The following PKIB variants were observed in gnomAD, a reference collection of about 807,000 sequenced individuals.
The protein encoded by PKIB is cAMP-dependent protein kinase inhibitor beta.
PKIB carries 2 observed loss-of-function variants against 4.5 expected under a neutral mutation model. The ratio of observed to expected loss-of-function variants is 0.44; its 90% CI spans 0.18 to 1.39. The LOEUF (loss-of-function observed/expected upper bound fraction) is 1.39, where lower values mean the gene tolerates loss of function less well. Ranked by LOEUF, PKIB falls within the 40% of genes most tolerant of loss-of-function variation. PKIB has a pLI of 0.27. For missense variants in PKIB, 94 were observed against 92.6 expected (o/e 1.02, Z -0.06); for synonymous variants, 38 against 36.0 (o/e 1.06, Z -0.20).
chr6:122,556,192 T>G (rs2114664038), intron 2 of PKIB, among the ~76,000 whole-genome samples: 1 of 152,328 alleles, frequency 6.6e-6, no homozygotes, highest in Middle Eastern at 3.4e-3. Context: ...TGCTCAGCAC[T>G]TCTTCCTGCT....
chr6:122,555,266 A>G (rs935333567), intron 2 of PKIB, among the ~76,000 whole-genome samples: 4 of 152,190 alleles, frequency 2.6e-5, no homozygotes, highest in African/African-American at 9.6e-5. Flanking sequence ...AGTCATTTTC[A>G]GCAGAAGGAC....
chr6:122,669,930 A>G (rs1157511460), intron 2 of PKIB, among the ~76,000 whole-genome samples: 5 of 152,104 alleles, frequency 3.3e-5, no homozygotes, highest in Non-Finnish European at 7.4e-5. Context: ...CAGTGGATGA[A>G]ACGCAATGTA....
chr6:122,582,799 G>GT (rs1446676766), intron 2 of PKIB, among the ~76,000 whole-genome samples: 1 of 151,890 alleles, frequency 6.6e-6, no homozygotes, highest in Non-Finnish European at 1.5e-5. Flanking sequence ...GGATTTTTGT[G>GT]TTTTTTTGTT....
intron 2 of PKIB, among the ~76,000 whole-genome samples, chr6:122,585,246 T>C (rs1402634299): frequency 2.6e-5 from 4 of 152,164 alleles, no homozygotes; most frequent in Admixed American, 2.0e-4. Flanking sequence ...AGAACCCTCC[T>C]GGGCTAAGCC....
chr6:122,708,240 G>T (rs189226143), intron 3 of PKIB, among the ~76,000 whole-genome samples: 1 of 152,234 alleles, frequency 6.6e-6, no homozygotes, highest in Non-Finnish European at 1.5e-5. Flanking sequence ...TTTTAAACAA[G>T]GTGGTTAAAG....
At chr6:122,666,682 A>G (rs1777231827) in intron 2 of PKIB, among the ~76,000 whole-genome samples, 1 of 152,202 alleles carries the variant, frequency 6.6e-6, no homozygotes, top group Non-Finnish European at 1.5e-5. Flanking sequence ...GTATTAATCT[A>G]TAATGCTAAG....
intron 3 of PKIB, among the ~76,000 whole-genome samples, chr6:122,689,016 C>T (rs1483257187): frequency 2.0e-5 from 3 of 152,024 alleles, no homozygotes; most frequent in African/African-American, 4.8e-5. Flanking sequence ...CTCCTGACCT[C>T]GTGACCCGCC....
chr6:122,478,731 A>G (rs1775516915), intron 2 of PKIB: 1 of 152,194 alleles, frequency 6.6e-6, no homozygotes, highest in African/African-American at 2.4e-5. Context: ...ACAACCATGG[A>G]TTAAATGCCA....
chr6:122,720,016 G>A (rs1779673594), intron 4 of PKIB, among the ~76,000 whole-genome samples: 2 of 152,106 alleles, frequency 1.3e-5, no homozygotes, highest in South Asian at 2.1e-4. Flanking sequence ...CATTAGCTAA[G>A]CATAGATGTT....
At chr6:122,585,212 T>C (rs1477188589) in intron 2 of PKIB, among the ~76,000 whole-genome samples, 1 of 152,156 alleles carries the variant, frequency 6.6e-6, no homozygotes, top group Non-Finnish European at 1.5e-5. Flanking sequence ...AGCTCACCCT[T>C]GAATGTTTTC....
intron 3 of PKIB, among the ~76,000 whole-genome samples, chr6:122,717,287 G>C (rs1419684770): frequency 3.3e-5 from 5 of 152,234 alleles, no homozygotes; most frequent in South Asian, 2.1e-4. Flanking sequence ...GTGCTCTCTA[G>C]GGAAAAAGCT....
chr6:122,569,313 G>T (rs1043323935), intron 2 of PKIB, among the ~76,000 whole-genome samples: 1 of 152,206 alleles, frequency 6.6e-6, no homozygotes, highest in African/African-American at 2.4e-5. Context: ...TACTACCACA[G>T]CTGGTGCTCT....
At chr6:122,603,565 AC>A (rs1774440504) in intron 3 of PKIB, among the ~76,000 whole-genome samples, 1 of 152,024 alleles carries the variant, frequency 6.6e-6, no homozygotes, top group Admixed American at 6.6e-5. Context: ...TGCAACCTCC[AC>A]CTCCTGAGTT....
At chr6:122,497,893 C>G (rs1475789799) in intron 2 of PKIB, among the ~76,000 whole-genome samples, 2 of 152,198 alleles carry the variant, frequency 1.3e-5, no homozygotes, top group African/African-American at 2.4e-5. Context: ...CTCTACCCAT[C>G]AACCAACCAC....
chr6:122,604,702 A>G (rs75825518), intron 3 of PKIB, among the ~76,000 whole-genome samples: 3,812 of 152,308 alleles, frequency 0.025, 152 homozygotes, highest in African/African-American at 0.087. Flanking sequence ...TCTTCCCTTC[A>G]GTCATAAGAA....
intron 2 of PKIB, among the ~76,000 whole-genome samples, chr6:122,537,935 T>C (rs1777458212): frequency 6.6e-6 from 1 of 152,052 alleles, no homozygotes; most frequent in Non-Finnish European, 1.5e-5. Flanking sequence ...CCAGTGATGA[T>C]GAGCATTTTT....
At chr6:122,523,281 A>C (rs1350251417) in intron 2 of PKIB, among the ~76,000 whole-genome samples, 1 of 152,136 alleles carries the variant, frequency 6.6e-6, no homozygotes, top group Admixed American at 6.6e-5. Context: ...CTGTTAATGA[A>C]GTGTATTACA....
chr6:122,657,796 T>C (rs532187350), intron 2 of PKIB, among the ~76,000 whole-genome samples: 196 of 152,354 alleles, frequency 1.3e-3, no homozygotes, highest in African/African-American at 4.5e-3. Context: ...CATCTCAATA[T>C]ACTCATAAAA....
intron 4 of PKIB, among the ~76,000 whole-genome samples, chr6:122,720,369 C>G (rs992649453): frequency 3.3e-5 from 5 of 151,900 alleles, no homozygotes; most frequent in Admixed American, 1.3e-4. Context: ...CAGGAGGTGA[C>G]AGAGGGTGGC....
Sources: allele counts gnomAD v4.1 joint callset (sites outside exome capture counted in the v4.1 genomes callset), GRCh38; gene constraint gnomAD v4.1.1; transcripts MANE v1.5; gene names NCBI Gene and HGNC (gene_info 2026-07-23, HGNC 2026-07-21).